Variants in EEA1 observed in about 807,000 individuals in gnomAD.
EEA1 encodes the protein early endosome antigen 1, also known as early endosome antigen 1, 162kD.
In EEA1, 111 loss-of-function variants were observed where a neutral mutation model predicts 209.2. The ratio of observed to expected loss-of-function variants is 0.53; its 90% CI spans 0.45 to 0.62. The LOEUF is 0.62. Among genes scored for constraint, EEA1 ranks in the 20% least tolerant of loss-of-function variants. EEA1 has a pLI of 0.00. For synonymous variants in EEA1, 536 were observed against 540.6 expected, an observed-to-expected ratio of 0.99 and a Z score of 0.12; for missense variants, 1,343 against 1,530.8, an observed-to-expected ratio of 0.88 and a Z score of 2.05.
intron 1 of EEA1, among the ~76,000 whole-genome samples, chr12:92,903,473 C>T (rs1350622875): frequency 1.3e-5 from 2 of 151,702 alleles, no homozygotes; most frequent in African/African-American, 4.8e-5. Flanking sequence ...TGGCACGTGC[C>T]TGTAGTCCCA....
At chr12:92,850,962 C>T in intron 9 of EEA1, 149 bp downstream of exon 9, 1 of 697,524 alleles carries the variant, frequency 1.4e-6, no homozygotes, top group Admixed American at 3.4e-5. Flanking sequence ...ACCACATTGA[C>T]TATAAACAAA....
intron 1 of EEA1, among the ~76,000 whole-genome samples, chr12:92,913,749 C>T (rs757287362): frequency 6.6e-6 from 1 of 152,190 alleles, no homozygotes; most frequent in Non-Finnish European, 1.5e-5. Context: ...CAACCTCCAC[C>T]TCCCAGGCTA....
chr12:92,812,018 C>T (rs1051811368), intron 16 of EEA1, among the ~76,000 whole-genome samples: 2 of 152,074 alleles, frequency 1.3e-5, no homozygotes, highest in African/African-American at 4.8e-5. Context: ...TGATATACTT[C>T]TGTATTGTTT....
At position 92,843,614 on chromosome 12, in the gene EEA1, T is replaced by C. The variant is rs537629425; in HGVS notation, c.799-1033A>G. On this transcript the variant is annotated intron_variant, in intron 9 of 28. Transcript: ENST00000322349. ...CATTACAGAGAAAGACGAAGTATTTTTTTTTAAGTATGGTCTGCTGCAAAT... is the reference window on the plus strand; with the variant it reads ...CATTACAGAGAAAGACGAAGTATTTCTTTTTAAGTATGGTCTGCTGCAAAT... Among the ~76,000 whole-genome samples, 4 of 152,324 alleles carry C rather than the reference T, an allele frequency of 2.6e-5. No individual in the cohort carries two copies. The South Asian group carries it at 8.3e-4, about 32-fold the overall frequency.
At chr12:92,839,332 G>A (rs1877062260) in intron 10 of EEA1, among the ~76,000 whole-genome samples, 1 of 152,120 alleles carries the variant, frequency 6.6e-6, no homozygotes, top group Non-Finnish European at 1.5e-5. Context: ...AAAGTCCACT[G>A]ACTCGGTTTC....
At chr12:92,807,952 C>T (rs935996620) in intron 18 of EEA1, among the ~76,000 whole-genome samples, 13 of 152,000 alleles carry the variant, frequency 8.6e-5, no homozygotes, top group African/African-American at 3.1e-4. Flanking sequence ...AATGAACTTA[C>T]AAGAGTCAAG....
In EEA1 at chr12:92,780,368, G is replaced by A; in HGVS notation, c.3380C>T (p.Ala1127Val). Residue 1127 changes from alanine to valine, a missense_variant, in exon 24 of 29, where the codon GCA (alanine) becomes GTA (valine). Ala to Val is a moderately conservative substitution (Grantham distance 64). Transcript: ENST00000322349. ...KELVNEKSKL[A>V]EIEEIKCRQE... ...TCTACATTTAATTTCTTCTATCTCT[G>A]CCAATTTAGACTTCTCATTTACCAG... 6.3e-7 allele frequency: 1 copy of A among 1,585,934 alleles called. No homozygotes were observed. Among genetic ancestry groups the A allele is most frequent in the Non-Finnish European group, 8.6e-7 (1 of 1,162,588 alleles).
intron 10 of EEA1, among the ~76,000 whole-genome samples, chr12:92,839,899 T>A (rs1877092390): frequency 6.6e-6 from 1 of 152,074 alleles, no homozygotes; most frequent in African/African-American, 2.4e-5. Context: ...CAATATCTAT[T>A]ATATCATATA....
chr12:92,799,630 C>CA (rs1592708278), intron 20 of EEA1, among the ~76,000 whole-genome samples: 1 of 151,412 alleles, frequency 6.6e-6, no homozygotes, highest in Admixed American at 6.6e-5. Flanking sequence ...ACTAAAAATA[C>CA]AAAAAAATTA....
chr12:92,835,636 C>A (rs1399894409), intron 10 of EEA1, among the ~76,000 whole-genome samples: 1 of 151,940 alleles, frequency 6.6e-6, no homozygotes, highest in East Asian at 1.9e-4. Flanking sequence ...TGGTCTCGAT[C>A]TCCTGACCTT....
chr12:92,833,887 A>AT (rs1312488634), intron 10 of EEA1, among the ~76,000 whole-genome samples: 1 of 152,118 alleles, frequency 6.6e-6, no homozygotes, highest in Non-Finnish European at 1.5e-5. Context: ...TTAAGGCACA[A>AT]TTTTTTTAAA....
chr12:92,929,091 C>A lies in EEA1; in HGVS notation c.-25G>T, dbSNP rs1349842303. 1.3e-6 allele frequency: 2 copies of A among 1,584,192 alleles called. No homozygotes were observed. Among genetic ancestry groups the A allele is most frequent in the Admixed American group, 3.5e-5 (2 of 56,584 alleles). ...TGGTTTAACCACCACCCGGCGCCGC[C>A]GCGGTGACTCTCCAGACCCTGCGCG... On this transcript the variant is annotated 5_prime_UTR_variant, in exon 1 of 29. Coordinates refer to ENST00000322349, the MANE Select transcript of EEA1 (RefSeq NM_003566.4).
intron 3 of EEA1, among the ~76,000 whole-genome samples, chr12:92,864,521 T>C (rs904859922): frequency 1.3e-5 from 2 of 152,206 alleles, no homozygotes; most frequent in African/African-American, 4.8e-5. Context: ...GTTGGCTAAA[T>C]TTATTATTTT....
At chr12:92,887,275 C>T (rs1424752619) in intron 2 of EEA1, among the ~76,000 whole-genome samples, 1 of 152,092 alleles carries the variant, frequency 6.6e-6, no homozygotes, top group Non-Finnish European at 1.5e-5. Context: ...CACTTGAGGT[C>T]AGGAAGTCAA....
chr12:92,853,419 T>C (rs187195821), intron 6 of EEA1, among the ~76,000 whole-genome samples: 41 of 152,224 alleles, frequency 2.7e-4, no homozygotes, highest in African/African-American at 9.4e-4. Context: ...GTTCAAGCCA[T>C]CCTCCCCTAT....
Position 92,832,540 on chromosome 12 carries a change from C to G in EEA1, c.1226G>C (p.Gly409Ala). 6.2e-7 allele frequency: 1 copy of G among 1,612,588 alleles called. No individual in the cohort carries two copies. The highest frequency in any genetic ancestry group is 2.2e-5 in the East Asian group (1 of 44,856). Reference protein sequence around the residue: ...QQQREEKEQHGLQLQSEINQL... With the variant: ...QQQREEKEQHALQLQSEINQL... ...ATTAATTTCACTTTGGAGTTGTAAC[C>G]CATGCTGCTCCTTTTCTTCTCTCTG... Residue 409 changes from glycine to alanine, a missense_variant, in exon 11 of 29, where the codon GGG becomes GCG. Coordinates refer to ENST00000322349, the MANE Select transcript of EEA1 (RefSeq NM_003566.4).
chr12:92,899,149 G>C (rs1023995697), intron 1 of EEA1, among the ~76,000 whole-genome samples: 3 of 151,504 alleles, frequency 2.0e-5, no homozygotes, highest in Non-Finnish European at 4.4e-5. Flanking sequence ...AAAAAAATGA[G>C]AGGAGCTGGA....
chr12:92,898,773 T>C (rs1880025248), intron 1 of EEA1, among the ~76,000 whole-genome samples: 1 of 113,180 alleles, frequency 8.8e-6, no homozygotes, highest in Non-Finnish European at 1.7e-5. Flanking sequence ...GACAGGGGTC[T>C]CAGAATGTTG....
At chr12:92,791,839 C>T (rs1387014958) in intron 21 of EEA1, among the ~76,000 whole-genome samples, 2 of 152,174 alleles carry the variant, frequency 1.3e-5, no homozygotes, top group Non-Finnish European at 2.9e-5. Flanking sequence ...AGCACCACAT[C>T]ACACTTATTC....
Sources: gnomAD v4.1 joint callset for allele counts (sites outside exome capture counted in the v4.1 genomes callset) on GRCh38, gnomAD v4.1.1 for gene constraint, MANE v1.5 for transcripts, NCBI Gene and HGNC (gene_info 2026-07-23, HGNC 2026-07-21) for gene names.